CNTLN: variants seen among roughly 807,000 people sequenced by gnomAD.
CNTLN encodes centlein.
Under a neutral mutation model 180.0 loss-of-function variants are expected in CNTLN, and 212 were observed. The observed-to-expected ratio is 1.18, with a 90% confidence interval of 1.05 to 1.32. CNTLN has a LOEUF of 1.32. Ranked by LOEUF, CNTLN falls within the 40% of genes most tolerant of loss-of-function variation. The pLI is 0.00. For missense variants in CNTLN, 2,095 were observed against 1,610.9 expected (o/e 1.30, Z -5.14); for synonymous variants, 722 against 563.1 (o/e 1.28, Z -3.99).
At chr9:17,182,268 A>C (rs1313627914) in intron 2 of CNTLN, among the ~76,000 whole-genome samples, 1 of 152,046 alleles carries the variant, frequency 6.6e-6, no homozygotes, top group African/African-American at 2.4e-5. Flanking sequence ...GGTAGAGAGC[A>C]GACTTTCGTT....
intron 18 of CNTLN, among the ~76,000 whole-genome samples, chr9:17,454,634 A>G (rs1467147481): frequency 6.6e-6 from 1 of 152,240 alleles, no homozygotes; most frequent in African/African-American, 2.4e-5. Context: ...CCACAAGATA[A>G]CAATGCTGAC....
At chr9:17,522,273 G>A in the CNTLN span, among the ~76,000 whole-genome samples, 2 of 152,006 alleles carry the variant, frequency 1.3e-5, no homozygotes, top group African/African-American at 4.8e-5. Context: ...GGTGCGTAAT[G>A]GGATGACTAC....
intron 6 of CNTLN, among the ~76,000 whole-genome samples, chr9:17,287,174 A>G (rs1361876672): frequency 1.3e-5 from 2 of 149,474 alleles, no homozygotes; most frequent in African/African-American, 5.0e-5. Flanking sequence ...ATTTTGAAAT[A>G]CGTCCCATCA....
intron 1 of CNTLN, among the ~76,000 whole-genome samples, chr9:17,137,728 T>A (rs1817817220): frequency 6.6e-6 from 1 of 152,208 alleles, no homozygotes; most frequent in African/African-American, 2.4e-5. Context: ...TTGTTTTGCT[T>A]TCACATTCAA....
intron 13 of CNTLN, among the ~76,000 whole-genome samples, chr9:17,385,333 A>G (rs1266502259): frequency 6.6e-6 from 1 of 152,072 alleles, no homozygotes; most frequent in Non-Finnish European, 1.5e-5. Flanking sequence ...TTCAGTCTCC[A>G]TTTCCTCTCC....
At chr9:17,410,261 G>T (rs1201448161) in intron 16 of CNTLN, among the ~76,000 whole-genome samples, 2 of 152,030 alleles carry the variant, frequency 1.3e-5, no homozygotes, top group Non-Finnish European at 2.9e-5. Context: ...GTATGTTGAG[G>T]TATATCATTG....
At chr9:17,373,417 G>T (rs186264092) in intron 13 of CNTLN, among the ~76,000 whole-genome samples, 2 of 152,200 alleles carry the variant, frequency 1.3e-5, no homozygotes, top group Admixed American at 1.3e-4. Context: ...TTTAACCGGA[G>T]AAGTGAAGAA....
intron 13 of CNTLN, among the ~76,000 whole-genome samples, chr9:17,386,539 GAA>G (rs1220742451): frequency 2.0e-5 from 3 of 152,174 alleles, no homozygotes; most frequent in African/African-American, 7.2e-5. Flanking sequence ...TCCTTGAAGA[GAA>G]AGAGAATCAA....
At chr9:17,504,536 T>G (rs2134441168), downstream of CNTLN, among the ~76,000 whole-genome samples, 1 of 152,316 alleles carries the variant, frequency 6.6e-6, no homozygotes, top group African/African-American at 2.4e-5. Flanking sequence ...TTACTTTATA[T>G]GTCAAAAGGA....
chr9:17,161,060 A>G (rs1819643725), intron 2 of CNTLN, among the ~76,000 whole-genome samples: 1 of 152,162 alleles, frequency 6.6e-6, no homozygotes. Context: ...ATTCATATTA[A>G]TGTAATTATT....
At chr9:17,490,685 C>T (rs1321543340) in intron 25 of CNTLN, among the ~76,000 whole-genome samples, 1 of 151,750 alleles carries the variant, frequency 6.6e-6, no homozygotes, top group African/African-American at 2.4e-5. Context: ...GTACTAAAAA[C>T]CAATGATTTA....
intron 13 of CNTLN, among the ~76,000 whole-genome samples, chr9:17,381,121 G>A (rs1825219058): frequency 6.6e-6 from 1 of 152,182 alleles, no homozygotes. Context: ...GAGTCTACTA[G>A]GCCTTGCATT....
At chr9:17,299,267 A>AAAAAG (rs757396929) in intron 7 of CNTLN, 1 of 142,654 alleles carries the variant, frequency 7.0e-6, no homozygotes, top group African/African-American at 2.8e-5. Context: ...AAAAAAAAAA[A>AAAAAG]CCTTTACTGA....
intron 7 of CNTLN, among the ~76,000 whole-genome samples, chr9:17,306,653 T>C (rs1818737347): frequency 1.3e-5 from 2 of 152,206 alleles, no homozygotes; most frequent in African/African-American, 4.8e-5. Flanking sequence ...CCTAGCATCA[T>C]GCCTGTACCT....
At chr9:17,320,231 T>A (rs1419022086) in intron 8 of CNTLN, among the ~76,000 whole-genome samples, 1 of 152,198 alleles carries the variant, frequency 6.6e-6, no homozygotes, top group Non-Finnish European at 1.5e-5. Context: ...TTGAAGAGAA[T>A]TTTCTTTAGC....
intron 5 of CNTLN, among the ~76,000 whole-genome samples, chr9:17,249,373 G>C (rs188596499): frequency 1.6e-5 from 2 of 127,142 alleles, no homozygotes; most frequent in Admixed American, 8.9e-5. Flanking sequence ...TTTTGAGCTG[G>C]AGTCTCGCTC....
chr9:17,524,841 A>G, the CNTLN span, among the ~76,000 whole-genome samples: 2 of 152,156 alleles, frequency 1.3e-5, no homozygotes, highest in African/African-American at 4.8e-5. Flanking sequence ...GGCTCTAGAG[A>G]GTTACAAAGA....
intron 9 of CNTLN, 112 bp downstream of exon 9, chr9:17,330,920 TTTTGAA>T: frequency 1.0e-6 from 1 of 980,914 alleles, no homozygotes; most frequent in South Asian, 1.6e-5. Context: ...TTCGGGAAAC[TTTTGAA>T]AAATATTATG....
intron 2 of CNTLN, among the ~76,000 whole-genome samples, chr9:17,210,133 A>G (rs1189710461): frequency 6.6e-6 from 1 of 152,170 alleles, no homozygotes; most frequent in Non-Finnish European, 1.5e-5. Flanking sequence ...TTACATATGT[A>G]TACATGTGCC....
Sources: allele counts gnomAD v4.1 joint callset (sites outside exome capture counted in the v4.1 genomes callset), GRCh38; gene constraint gnomAD v4.1.1; transcripts MANE v1.5; gene names NCBI Gene and HGNC (gene_info 2026-07-23, HGNC 2026-07-21).